ASTN1: variants seen among roughly 807,000 people sequenced by gnomAD.
ASTN1 encodes astrotactin-1.
A neutral mutation model predicts 140.7 loss-of-function variants in ASTN1; 41 were observed. The observed-to-expected ratio is 0.29, with a 90% confidence interval of 0.23 to 0.38. ASTN1 has a LOEUF of 0.38. Among genes scored for constraint, ASTN1 ranks in the 10% least tolerant of loss-of-function variants. ASTN1 has a pLI of 1.00. For synonymous variants in ASTN1, 640 were observed against 652.2 expected, an observed-to-expected ratio of 0.98 and a Z score of 0.29; for missense variants, 1,479 against 1,678.8, an observed-to-expected ratio of 0.88 and a Z score of 2.08.
At chr1:176,957,173 G>A (rs1345614887) in intron 11 of ASTN1, among the ~76,000 whole-genome samples, 1 of 152,142 alleles carries the variant, frequency 6.6e-6, no homozygotes, top group African/African-American at 2.4e-5. Flanking sequence ...CAAAGCACTG[G>A]GATTACAGGT....
intron 1 of ASTN1, among the ~76,000 whole-genome samples, chr1:177,120,823 C>T (rs1228527814): frequency 6.6e-6 from 1 of 152,130 alleles, no homozygotes; most frequent in Admixed American, 6.6e-5. Flanking sequence ...CCTAACTGGA[C>T]GATGTGCTGA....
chr1:177,000,649 G>A lies in ASTN1; in HGVS notation c.1523+14142C>T, dbSNP rs563930268. ...ACTATATATGGCAGCAGTCCTGAGCGTAGAAGTAGGAAATCAGCATATTCT... is the reference window on the plus strand; with the variant it reads ...ACTATATATGGCAGCAGTCCTGAGCATAGAAGTAGGAAATCAGCATATTCT... On this transcript the variant is annotated intron_variant, in intron 8 of 22. Transcript: ENST00000361833. Among the ~76,000 whole-genome samples, 17 of 152,270 alleles carry A rather than the reference G, an allele frequency of 1.1e-4. No homozygotes were observed. The South Asian group carries it at 1.2e-3, about 11-fold the overall frequency.
intron 1 of ASTN1, among the ~76,000 whole-genome samples, chr1:177,072,577 A>G (rs1678694861): frequency 1.3e-5 from 2 of 152,146 alleles, no homozygotes; most frequent in Admixed American, 6.5e-5. Flanking sequence ...TTGCTAAGGT[A>G]TCTTGTTGCT....
chr1:177,140,585 A>G (rs1682419355), intron 1 of ASTN1, among the ~76,000 whole-genome samples: 1 of 152,188 alleles, frequency 6.6e-6, no homozygotes. Flanking sequence ...TTGACCTATA[A>G]GTAGATTCAT....
intron 2 of ASTN1, among the ~76,000 whole-genome samples, chr1:177,059,225 T>C (rs1440040035): frequency 6.6e-6 from 1 of 152,198 alleles, no homozygotes; most frequent in Non-Finnish European, 1.5e-5. Flanking sequence ...AGGATGTGGA[T>C]GGCTGACGAG....
intron 17 of ASTN1, 125 bp downstream of exon 17, chr1:176,894,436 AC>A: frequency 7.7e-7 from 1 of 1,303,544 alleles, no homozygotes; most frequent in Non-Finnish European, 1.0e-6. Flanking sequence ...GATTAGCTAA[AC>A]AAAAAGCCTC....
At chr1:176,878,739 G>A (rs576255606) in intron 20 of ASTN1, among the ~76,000 whole-genome samples, 3 of 151,946 alleles carry the variant, frequency 2.0e-5, no homozygotes, top group Non-Finnish European at 4.4e-5. Context: ...TCAAGAAGGC[G>A]CCCAAAGGTA....
At chr1:177,050,465 C>T (rs1298031307) in intron 2 of ASTN1, among the ~76,000 whole-genome samples, 2 of 152,102 alleles carry the variant, frequency 1.3e-5, no homozygotes, top group Admixed American at 6.6e-5. Flanking sequence ...TAGAAGGCTA[C>T]TTGACTCATC....
chr1:177,094,562 T>C (rs1025595513), intron 1 of ASTN1, among the ~76,000 whole-genome samples: 37 of 152,328 alleles, frequency 2.4e-4, no homozygotes, highest in African/African-American at 8.9e-4. Flanking sequence ...AATGTGCTAG[T>C]GGCTTAATCT....
intron 1 of ASTN1, among the ~76,000 whole-genome samples, chr1:177,089,674 G>A (rs549644753): frequency 2.0e-5 from 3 of 151,836 alleles, no homozygotes; most frequent in African/African-American, 4.8e-5. Flanking sequence ...GCCTCCTCCC[G>A]CACTGCCCCA....
chr1:176,944,295 T>C (rs534107123), intron 13 of ASTN1, among the ~76,000 whole-genome samples: 1 of 152,324 alleles, frequency 6.6e-6, no homozygotes, highest in East Asian at 1.9e-4. Flanking sequence ...TGTCTCACTC[T>C]GTCACCCAGG....
At chr1:177,057,394 A>G (rs189796933) in intron 2 of ASTN1, among the ~76,000 whole-genome samples, 3 of 152,300 alleles carry the variant, frequency 2.0e-5, no homozygotes, top group Admixed American at 1.3e-4. Flanking sequence ...TCATTCTCTA[A>G]TTTCTTATAT....
chr1:177,072,632 GC>G (rs1420365083), intron 1 of ASTN1, among the ~76,000 whole-genome samples: 1 of 152,104 alleles, frequency 6.6e-6, no homozygotes, highest in East Asian at 1.9e-4. Context: ...CTTTATTATT[GC>G]CCCTTCTGTA....
chr1:177,083,117 A>G (rs908962950), intron 1 of ASTN1, among the ~76,000 whole-genome samples: 11 of 152,152 alleles, frequency 7.2e-5, no homozygotes, highest in African/African-American at 2.7e-4. Context: ...CTGCATTACT[A>G]GATTTTATTA....
intron 1 of ASTN1, among the ~76,000 whole-genome samples, chr1:177,156,982 A>G (rs1451602666): frequency 3.3e-5 from 5 of 152,232 alleles, no homozygotes; most frequent in Admixed American, 6.5e-5. Flanking sequence ...TCAAACTGTC[A>G]AAGTCATCAA....
At chr1:176,954,699 C>A (rs1332534911) in intron 11 of ASTN1, among the ~76,000 whole-genome samples, 2 of 152,144 alleles carry the variant, frequency 1.3e-5, no homozygotes, top group Non-Finnish European at 2.9e-5. Context: ...ACACTAAGAA[C>A]AATGATTAAG....
intron 9 of ASTN1, among the ~76,000 whole-genome samples, chr1:176,960,478 T>A (rs10913280): frequency 0.17 from 26,444 of 152,264 alleles, 3,049 homozygotes; most frequent in Non-Finnish European, 0.26. Context: ...CTGATACATT[T>A]CTGATGGTTA....
intron 14 of ASTN1, among the ~76,000 whole-genome samples, chr1:176,939,096 A>T (rs1671574490): frequency 6.6e-6 from 1 of 151,834 alleles, no homozygotes; most frequent in African/African-American, 2.4e-5. Flanking sequence ...TGGGTGACAG[A>T]GCAGGACACC....
rs1163804370 is a variant in ASTN1 at position 176,866,823 on chromosome 1, CTGTTTGCTCAGAGGA to C, written c.3647+2006_3647+2020del. Among the ~76,000 whole-genome samples the C allele has an allele frequency of 2.0e-5, 3 of 152,162 alleles. No individual in the cohort carries two copies. In the East Asian group the frequency reaches 5.8e-4, roughly 29 times the overall value. On this transcript the variant is annotated intron_variant, in intron 22 of 22. Coordinates refer to ENST00000361833, the MANE Select transcript of ASTN1 (RefSeq NM_004319.3). ...GGTTGTGGTGAACTGAGGGAATCCT[CTGTTTGCTCAGAGGA>C]AGTAAGTAGCCATAGACCCTTTTCT...
Sources: gnomAD v4.1 joint callset for allele counts (sites outside exome capture counted in the v4.1 genomes callset) on GRCh38, gnomAD v4.1.1 for gene constraint, MANE v1.5 for transcripts, NCBI Gene and HGNC (gene_info 2026-07-23, HGNC 2026-07-21) for gene names.